Variants in CCDC180 observed in about 807,000 individuals in gnomAD.
The protein encoded by CCDC180 is coiled-coil domain-containing protein 180.
CCDC180 carries 154 observed loss-of-function variants against 209.2 expected under a neutral mutation model. That is an observed-to-expected ratio of 0.74 (90% CI 0.65 to 0.84). The LOEUF (loss-of-function observed/expected upper bound fraction) is 0.84. CCDC180 is among the 40% of genes least tolerant of loss of function. The pLI, the probability that CCDC180 is intolerant of heterozygous loss-of-function variation, is 0.00. For missense variants in CCDC180, 1,874 were observed against 1,997.3 expected (o/e 0.94, Z 1.18); for synonymous variants, 778 against 749.1 (o/e 1.04, Z -0.63).
At chr9:97,363,425 G>C (rs956306376) in intron 28 of CCDC180, 2 of 298,822 alleles carry the variant, frequency 6.7e-6, no homozygotes, top group African/African-American at 4.3e-5. Flanking sequence ...CTTCTGGGTA[G>C]GTTGCTGCAC....
intron 22 of CCDC180, among the ~76,000 whole-genome samples, chr9:97,352,917 C>T (rs1826460519): frequency 6.7e-6 from 1 of 150,264 alleles, no homozygotes; most frequent in African/African-American, 2.5e-5. Flanking sequence ...ATTATAGTTT[C>T]CATTTGTAGA....
chr9:97,307,596 T>G, upstream of CCDC180: 1 of 737,898 alleles, frequency 1.4e-6, no homozygotes, highest in Non-Finnish European at 2.4e-6. Flanking sequence ...CCATGGAGGG[T>G]GGATTAGGGT....
At chr9:97,315,165 A>G (rs189652011) in intron 8 of CCDC180, among the ~76,000 whole-genome samples, 2 of 152,228 alleles carry the variant, frequency 1.3e-5, no homozygotes, top group African/African-American at 2.4e-5. Context: ...TCTAAAGTAC[A>G]TTTCATATTT....
intron 32 of CCDC180, among the ~76,000 whole-genome samples, chr9:97,370,439 G>A (rs1827048635): frequency 1.3e-5 from 2 of 152,036 alleles, no homozygotes; most frequent in Admixed American, 6.6e-5. Context: ...CAGATGCTCA[G>A]CCTTTTCTCT....
intron 4 of CCDC180, among the ~76,000 whole-genome samples, chr9:97,312,832 C>A (rs1026006925): frequency 5.9e-5 from 9 of 152,166 alleles, no homozygotes; most frequent in South Asian, 2.1e-4. Context: ...TACAACCCCC[C>A]ATGACTGAGT....
Position 97,314,376 on chromosome 9 carries a change from C to T in CCDC180, c.460-17C>T. Reference sequence around the variant, plus strand: ...GGGTGCTGATGCCTTGGCCATCATACCCCTGGCCTGTTGCAGGAAATGGAA... The same window carrying T: ...GGGTGCTGATGCCTTGGCCATCATATCCCTGGCCTGTTGCAGGAAATGGAA... On this transcript the variant is annotated splice_polypyrimidine_tract_variant and intron_variant, in intron 5 of 36. Transcript: ENST00000529487. The T allele has an allele frequency of 6.2e-7, 1 of 1,614,034 alleles. No homozygotes were observed. The highest frequency in any genetic ancestry group is 8.5e-7 in the Non-Finnish European group (1 of 1,179,948).
At chr9:97,375,990 G>C (rs1348170559) in intron 36 of CCDC180, 7 of 205,956 alleles carry the variant, frequency 3.4e-5, no homozygotes, top group Non-Finnish European at 5.9e-5. Context: ...TACTTACTGA[G>C]AGCTTCTGCT....
Position 97,360,077 on chromosome 9 carries a change from G to A in CCDC180, c.3459G>A (p.Val1153=), listed in dbSNP as rs1826706739. ...IQYLNCSLDR[V]SMTELVFTNT... ...ACCTTAACTGCAGCCTGGACAGGGT[G>A]TCCATGACTGAACTGGTCTTTACCG... Residue 1153 remains valine, a synonymous_variant, in exon 26 of 37, where the codon GTG becomes GTA. Coordinates refer to ENST00000529487, the MANE Select transcript of CCDC180 (RefSeq NM_020893.6). 1.9e-6 allele frequency: 3 copies of A among 1,613,880 alleles called. No individual in the cohort carries two copies. The highest frequency in any genetic ancestry group is 2.2e-5 in the East Asian group (1 of 44,890).
intron 26 of CCDC180, among the ~76,000 whole-genome samples, chr9:97,360,894 C>A (rs1309052260): frequency 6.6e-6 from 1 of 152,194 alleles, no homozygotes; most frequent in Non-Finnish European, 1.5e-5. Context: ...AAGGGCCTGA[C>A]AGCCAATGTC....
At chr9:97,312,719 C>T (rs1833030247) in intron 4 of CCDC180, among the ~76,000 whole-genome samples, 1 of 150,458 alleles carries the variant, frequency 6.6e-6, no homozygotes, top group Non-Finnish European at 1.5e-5. Flanking sequence ...ACGTGGCATC[C>T]GGCTTTCCAC....
intron 25 of CCDC180, 169 bp downstream of exon 25, chr9:97,357,894 A>G (rs1826628714): frequency 1.6e-5 from 9 of 548,640 alleles, no homozygotes; most frequent in Non-Finnish European, 2.5e-5. Flanking sequence ...GGAATGAAGA[A>G]AGGAACAAAA....
rs563357190 is a variant in CCDC180 at position 97,354,645 on chromosome 9, C to G, written c.3079C>G (p.Arg1027Gly). 4 of 1,614,160 alleles carry G rather than the reference C, an allele frequency of 2.5e-6. No homozygotes were observed. The highest frequency in any genetic ancestry group is 3.4e-6 in the Non-Finnish European group (4 of 1,180,032). ...LCSRLEKEAA[R>G]IELVESVIML... ...TTCCCGACTGGAGAAGGAAGCTGCC[C>G]GGATAGAGTTGGTTGAAAGTGTCAT... Residue 1027 changes from arginine to glycine, a missense_variant, in exon 23 of 37, where the codon CGG becomes GGG. Transcript: ENST00000529487.
At chr9:97,312,953 T>A (rs969931138) in intron 4 of CCDC180, among the ~76,000 whole-genome samples, 7 of 152,368 alleles carry the variant, frequency 4.6e-5, no homozygotes, top group Non-Finnish European at 8.8e-5. Flanking sequence ...GCAGTTATCA[T>A]TTCTATATGT....
In CCDC180 at chr9:97,350,494, T is replaced by C. The variant is rs1205904769; in HGVS notation, c.2941T>C (p.Tyr981His). 18 of 1,536,472 alleles carry C rather than the reference T, an allele frequency of 1.2e-5. No homozygotes were observed. The highest frequency in any genetic ancestry group is 1.5e-5 in the Non-Finnish European group (17 of 1,147,010). ...GGTGTCCCTGCGCAGCTTCCGGCAGTACTTGGAGGAGAGTCTGGGCAAACT... is the reference window on the plus strand; with the variant it reads ...GGTGTCCCTGCGCAGCTTCCGGCAGCACTTGGAGGAGAGTCTGGGCAAACT... The part of the protein sequence containing the change: ...TQVSLRSFRQ[Y>H]LEESLGKLRY... Residue 981 changes from tyrosine to histidine, a missense_variant, in exon 22 of 37, where the codon TAC becomes CAC. Physicochemically the swap from Tyr to His is moderately conservative, Grantham distance 83. Coordinates refer to ENST00000529487, the MANE Select transcript of CCDC180 (RefSeq NM_020893.6).
intron 9 of CCDC180, 146 bp downstream of exon 9, chr9:97,317,374 A>T (rs916284917): frequency 1.7e-5 from 12 of 712,208 alleles, no homozygotes; most frequent in Non-Finnish European, 2.4e-5. Flanking sequence ...AGATAAAGGT[A>T]TAAAGAATAA....
At chr9:97,365,644 C>G in intron 29 of CCDC180, 29 bp from the exon 30 acceptor site, 7 of 1,608,130 alleles carry the variant, frequency 4.4e-6, no homozygotes, top group Non-Finnish European at 6.0e-6. Flanking sequence ...GACCAGGCCC[C>G]TCAGGGATCT....
chr9:97,320,706 C>T (rs1487585948), intron 11 of CCDC180, among the ~76,000 whole-genome samples: 1 of 152,184 alleles, frequency 6.6e-6, no homozygotes, highest in East Asian at 1.9e-4. Context: ...AATCCTCAAT[C>T]ACAAATGGTG....
At chr9:97,342,631 T>C (rs1826120236) in intron 18 of CCDC180, among the ~76,000 whole-genome samples, 1 of 152,182 alleles carries the variant, frequency 6.6e-6, no homozygotes, top group African/African-American at 2.4e-5. Context: ...CTGCAACCTA[T>C]TCTAAAGTCA....
At chr9:97,313,181 G>C in intron 4 of CCDC180, 55 bp from the exon 5 acceptor site, 1 of 1,193,218 alleles carries the variant, frequency 8.4e-7, no homozygotes, top group Non-Finnish European at 1.2e-6. Context: ...TGCCTGTGCT[G>C]CCTTTTCCTG....
Sources: allele counts gnomAD v4.1 joint callset (sites outside exome capture counted in the v4.1 genomes callset), GRCh38; gene constraint gnomAD v4.1.1; transcripts MANE v1.5; gene names NCBI Gene and HGNC (gene_info 2026-07-23, HGNC 2026-07-21).